Variants in CADPS observed in about 807,000 individuals in gnomAD.
CADPS encodes the protein calcium dependent secretion activator.
Under a neutral mutation model 167.3 loss-of-function variants are expected in CADPS, and 57 were observed. The observed-to-expected ratio is 0.34, with a 90% confidence interval of 0.28 to 0.42. CADPS has a LOEUF of 0.42. Ranked by LOEUF, CADPS falls within the 20% of genes least tolerant of loss-of-function variation. The pLI is 1.00. For missense variants in CADPS, 1,414 were observed against 1,738.1 expected, an observed-to-expected ratio of 0.81 and a Z score of 3.32; for synonymous variants, 676 against 635.3, an observed-to-expected ratio of 1.06 and a Z score of -0.96.
intron 10 of CADPS, among the ~76,000 whole-genome samples, chr3:62,555,118 C>A (rs775626795): frequency 6.6e-6 from 1 of 152,110 alleles, no homozygotes; most frequent in East Asian, 1.9e-4. Context: ...TTTAAGTCTC[C>A]GTTTTCAATC....
intron 3 of CADPS, among the ~76,000 whole-genome samples, chr3:62,745,906 A>G (rs2081347461): frequency 6.6e-6 from 1 of 152,238 alleles, no homozygotes; most frequent in Non-Finnish European, 1.5e-5. Flanking sequence ...AGAAGAAGAG[A>G]TAGACAATAA....
intron 6 of CADPS, among the ~76,000 whole-genome samples, chr3:62,603,138 C>A (rs2060203195): frequency 6.6e-6 from 1 of 152,188 alleles, no homozygotes; most frequent in Non-Finnish European, 1.5e-5. Flanking sequence ...TGTAAACTCA[C>A]AGGACAGGGT....
At chr3:62,401,161 C>T (rs185578221) in intron 29 of CADPS, among the ~76,000 whole-genome samples, 12 of 152,054 alleles carry the variant, frequency 7.9e-5, no homozygotes, top group South Asian at 6.2e-4. Flanking sequence ...TTGATGGGGA[C>T]GGGTAAGAGA....
chr3:62,676,760 TG>T (rs1174552695), intron 3 of CADPS, among the ~76,000 whole-genome samples: 2 of 152,176 alleles, frequency 1.3e-5, no homozygotes, highest in African/African-American at 4.8e-5. Context: ...AGGCCCCTGC[TG>T]GTTTCTGACC....
At chr3:62,549,640 G>C (rs1315418612) in intron 11 of CADPS, among the ~76,000 whole-genome samples, 2 of 152,016 alleles carry the variant, frequency 1.3e-5, no homozygotes, top group African/African-American at 4.8e-5. Context: ...TGTGAATTCT[G>C]TACTCTCACC....
At chr3:62,419,192 A>G (rs2050800411) in intron 28 of CADPS, among the ~76,000 whole-genome samples, 2 of 152,172 alleles carry the variant, frequency 1.3e-5, no homozygotes. Flanking sequence ...TACATAAATA[A>G]TGAGCCCAAT....
chr3:62,483,869 T>C (rs901214672), intron 21 of CADPS, among the ~76,000 whole-genome samples: 1 of 152,036 alleles, frequency 6.6e-6, no homozygotes, highest in Non-Finnish European at 1.5e-5. Flanking sequence ...ACACACTGAA[T>C]AATGATCAAG....
chr3:62,873,463 TA>T (rs2083005168), intron 1 of CADPS, among the ~76,000 whole-genome samples: 1 of 152,118 alleles, frequency 6.6e-6, no homozygotes, highest in African/African-American at 2.4e-5. Context: ...CAAATTTATT[TA>T]AAAGAGAACA....
chr3:62,562,708 T>C (rs1327324126), intron 9 of CADPS, among the ~76,000 whole-genome samples: 3 of 152,180 alleles, frequency 2.0e-5, no homozygotes, highest in Admixed American at 6.5e-5. Flanking sequence ...TGGTCTTCCT[T>C]TGGGAACCAC....
rs559530741 is a variant in CADPS, at chr3:62,703,581, C to T, written c.889-41187G>A. Among the ~76,000 whole-genome samples, 135 of 152,144 alleles carry T rather than the reference C, an allele frequency of 8.9e-4. 1 individual carries two copies. Among genetic ancestry groups the T allele is most frequent in the African/African-American group, 2.4e-3 (98 of 41,454 alleles). On this transcript the variant is annotated intron_variant, in intron 3 of 29. Transcript: ENST00000383710. ...GTTTTTTCTTCAGTGGGATTAGTGGCAAGTTGAAGAGAAAAATCTTAGAAG... is the reference window on the plus strand; with the variant it reads ...GTTTTTTCTTCAGTGGGATTAGTGGTAAGTTGAAGAGAAAAATCTTAGAAG...
intron 3 of CADPS, among the ~76,000 whole-genome samples, chr3:62,746,297 G>C (rs1336975762): frequency 1.3e-5 from 2 of 152,118 alleles, no homozygotes; most frequent in Non-Finnish European, 2.9e-5. Flanking sequence ...AATCTAAAGG[G>C]AGACTAACTT....
intron 27 of CADPS, among the ~76,000 whole-genome samples, chr3:62,442,774 C>T (rs1207352168): frequency 1.3e-5 from 2 of 152,104 alleles, no homozygotes; most frequent in Admixed American, 1.3e-4. Flanking sequence ...GCTTATTCAC[C>T]AGGTGACCTT....
intron 4 of CADPS, among the ~76,000 whole-genome samples, chr3:62,657,926 TAGAG>T (rs889092018): frequency 2.0e-5 from 3 of 152,050 alleles, no homozygotes; most frequent in Non-Finnish European, 2.9e-5. Context: ...AAAATCAAAA[TAGAG>T]AGGATTCTGA....
intron 6 of CADPS, among the ~76,000 whole-genome samples, chr3:62,624,872 G>C (rs1293057227): frequency 6.6e-6 from 1 of 152,134 alleles, no homozygotes; most frequent in Non-Finnish European, 1.5e-5. Flanking sequence ...TGTGGTACAT[G>C]ATCTTGCCCT....
At chr3:62,772,426 G>A (rs952099295) in intron 1 of CADPS, among the ~76,000 whole-genome samples, 11 of 152,150 alleles carry the variant, frequency 7.2e-5, no homozygotes, top group African/African-American at 2.7e-4. Context: ...ATACTTGGTG[G>A]TATAATCCTT....
At chr3:62,709,139 A>G (rs185226776) in intron 3 of CADPS, among the ~76,000 whole-genome samples, 6 of 152,216 alleles carry the variant, frequency 3.9e-5, no homozygotes, top group Admixed American at 2.6e-4. Context: ...CTCTGGCTCA[A>G]ACAAAGGGTG....
chr3:62,666,012 G>A (rs185770656), intron 3 of CADPS, among the ~76,000 whole-genome samples: 64 of 152,320 alleles, frequency 4.2e-4, no homozygotes, highest in African/African-American at 1.5e-3. Context: ...ACAGTGGGGC[G>A]TCAAAGGTTC....
chr3:62,499,204 T>C lies in CADPS; in HGVS notation c.2664A>G (p.Leu888=), dbSNP rs1450837404. 1.3e-5 allele frequency: 21 copies of C among 1,613,724 alleles called. No individual in the cohort carries two copies. Among genetic ancestry groups the C allele is most frequent in the Non-Finnish European group, 1.8e-5 (21 of 1,179,778 alleles). The change falls in exon 18 of 30, where the codon CTA becomes CTG. Residue 888 remains leucine, a synonymous_variant. Coordinates refer to ENST00000383710, the MANE Select transcript of CADPS (RefSeq NM_003716.4). ...CATTTTGCTGAAGAACTTCAATGAC[T>C]AGTTCAGCAAGACGTATTGTATCTT... ...KLEDTIRLAE[L]VIEVLQQNEE... is the part of the protein sequence containing the mutation.
At position 62,478,814 on chromosome 3, in the gene CADPS, A is replaced by C. The variant is rs532340310; in HGVS notation, c.3174-398T>G. The stretch of plus-strand genomic sequence containing the variant: ...TGGCAACATGCAGTTATTAAACTTC[A>C]GGGTTTCATGCATTTCCCCAGCTCC... On this transcript the variant is annotated intron_variant, in intron 22 of 29. Coordinates refer to ENST00000383710, the MANE Select transcript of CADPS (RefSeq NM_003716.4). This position sits in a 1 kb window ranked among gnomAD's most constrained non-coding sequence, Gnocchi z 5.7. 6.6e-6 allele frequency among the ~76,000 whole-genome samples: 1 copy of C among 152,306 alleles called. No individual in the cohort carries two copies. The highest frequency in any genetic ancestry group is 2.4e-5 in the African/African-American group (1 of 41,576).
Sources: gnomAD v4.1 joint callset for allele counts (sites outside exome capture counted in the v4.1 genomes callset) on GRCh38, gnomAD v4.1.1 for gene constraint, Gnocchi (gnomAD v3.1) non-coding constraint, MANE v1.5 for transcripts, NCBI Gene and HGNC (gene_info 2026-07-23, HGNC 2026-07-21) for gene names.